RNF216: variants seen among roughly 807,000 people sequenced by gnomAD.
RNF216 encodes ring finger protein 216.
A neutral mutation model predicts 110.8 loss-of-function variants in RNF216; 72 were observed. The observed-to-expected ratio is 0.65, with a 90% CI of 0.54 to 0.79. The LOEUF is 0.79. Among genes scored for constraint, RNF216 ranks in the 30% least tolerant of loss-of-function variants. The pLI is 0.00. For missense variants in RNF216, 1,342 were observed against 1,141.2 expected, an observed-to-expected ratio of 1.18 and a Z score of -2.54; for synonymous variants, 495 against 407.5, an observed-to-expected ratio of 1.21 and a Z score of -2.59.
chr7:5,681,269 T>C (rs1435728271), intron 13 of RNF216, among the ~76,000 whole-genome samples: 1 of 152,154 alleles, frequency 6.6e-6, no homozygotes, highest in African/African-American at 2.4e-5. Context: ...ATCCAAGCAA[T>C]TACCTAGGGC....
At chr7:5,711,688 G>T in intron 13 of RNF216, 73 bp downstream of exon 13, 1 of 1,191,310 alleles carries the variant, frequency 8.4e-7, no homozygotes, top group Non-Finnish European at 1.2e-6. Context: ...GTAAACAGCA[G>T]ATATTTGGGC....
At position 5,741,006 on chromosome 7, in the gene RNF216, A is replaced by T. The variant is rs1369595363; in HGVS notation, c.1011T>A (p.Asp337Glu). 6.2e-7 allele frequency: 1 copy of T among 1,611,734 alleles called. No homozygotes were observed. The highest frequency in any genetic ancestry group is 8.5e-7 in the Non-Finnish European group (1 of 1,179,332). The part of the protein sequence containing the change: ...NIWGQEAAEV[D>E]QELVELLVKE... The stretch of plus-strand genomic sequence containing the variant: ...TCACTAGTAGTTCAACGAGCTCTTG[A>T]TCTACCTCTGCAGCTTCTTGCCCCC... Residue 337 changes from aspartate (D) to glutamate (E), a missense_variant, in exon 4 of 17, where the codon GAT becomes GAA. Coordinates refer to ENST00000389902, the MANE Select transcript of RNF216 (RefSeq NM_207111.4).
chr7:5,687,394 C>CAAAAAAAAAA (rs372177142), intron 13 of RNF216, among the ~76,000 whole-genome samples: 4 of 49,854 alleles, frequency 8.0e-5, no homozygotes, highest in African/African-American at 1.9e-4. Flanking sequence ...AACTCCACCT[C>CAAAAAAAAAA]AAAAAAAAAA....
intron 13 of RNF216, among the ~76,000 whole-genome samples, chr7:5,690,580 T>A (rs1791272411): frequency 6.6e-6 from 1 of 152,138 alleles, no homozygotes; most frequent in South Asian, 2.1e-4. Context: ...GCAGCTCCCA[T>A]CAGCAGTGCT....
intron 15 of RNF216, among the ~76,000 whole-genome samples, chr7:5,632,357 G>C (rs2128560097): frequency 6.6e-6 from 1 of 152,336 alleles, no homozygotes; most frequent in East Asian, 1.9e-4. Flanking sequence ...TTCTGTCTCT[G>C]CTCTCCTTCT....
At chr7:5,729,936 G>C (rs1793990320) in intron 6 of RNF216, among the ~76,000 whole-genome samples, 1 of 152,166 alleles carries the variant, frequency 6.6e-6, no homozygotes, top group South Asian at 2.1e-4. Flanking sequence ...TGGGGAGTTG[G>C]AAGATCAAGC....
chr7:5,775,530 G>A (rs1043190076), intron 1 of RNF216, among the ~76,000 whole-genome samples: 1 of 152,096 alleles, frequency 6.6e-6, no homozygotes, highest in Non-Finnish European at 1.5e-5. Flanking sequence ...GGTCACTAAA[G>A]ACTTTCAAAT....
chr7:5,663,982 G>C (rs192475573), intron 13 of RNF216, among the ~76,000 whole-genome samples: 1 of 152,288 alleles, frequency 6.6e-6, no homozygotes, highest in Non-Finnish European at 1.5e-5. Flanking sequence ...GAGATGCGAT[G>C]GAGATGAAGC....
chr7:5,722,989 T>C (rs1793529695), intron 8 of RNF216, among the ~76,000 whole-genome samples: 1 of 152,124 alleles, frequency 6.6e-6, no homozygotes, highest in Admixed American at 6.5e-5. Context: ...GTTTTTGGTA[T>C]TATGAGAATA....
intron 13 of RNF216, among the ~76,000 whole-genome samples, chr7:5,667,160 T>TCAGTAGATTATGACTAGTGGATTTAAAG (rs1280398623): frequency 6.6e-6 from 1 of 152,206 alleles, no homozygotes; most frequent in African/African-American, 2.4e-5. Flanking sequence ...TAAAGTCACT[T>TCAGTAGATTATGACTAGTGGATTTAAAG]CAGTAGATTA....
chr7:5,695,560 C>T (rs567848156), intron 13 of RNF216, among the ~76,000 whole-genome samples: 1 of 152,368 alleles, frequency 6.6e-6, no homozygotes, highest in African/African-American at 2.4e-5. Flanking sequence ...GAGCAGAAGA[C>T]ACCGCAGCTA....
intron 15 of RNF216, among the ~76,000 whole-genome samples, chr7:5,628,957 G>A (rs1786887113): frequency 6.6e-6 from 1 of 152,154 alleles, no homozygotes; most frequent in South Asian, 2.1e-4. Context: ...AGCACTTTGG[G>A]AGTTCGAGGT....
chr7:5,746,635 T>A (rs1405599345), intron 3 of RNF216, among the ~76,000 whole-genome samples: 1 of 152,124 alleles, frequency 6.6e-6, no homozygotes, highest in Non-Finnish European at 1.5e-5. Context: ...GCCAACGTCA[T>A]CCCGGTCCTG....
At chr7:5,682,235 C>T (rs1006492970) in intron 13 of RNF216, among the ~76,000 whole-genome samples, 10 of 152,224 alleles carry the variant, frequency 6.6e-5, no homozygotes, top group African/African-American at 2.4e-4. Context: ...AATCTAGACT[C>T]CAAAAATCCC....
chr7:5,730,791 G>C lies in RNF216; in HGVS notation c.1148C>G (p.Pro383Arg). Reference protein sequence around the residue: ...NVLCNFLLENPDYPKREDRII... With the variant: ...NVLCNFLLENRDYPKREDRII... ...TCTGTCTTCTCTCTTTGGATAATCTGGGTTTTCCAGAAGAAAATTACAAAG... is the reference window on the plus strand; with the variant it reads ...TCTGTCTTCTCTCTTTGGATAATCTCGGTTTTCCAGAAGAAAATTACAAAG... Residue 383 changes from proline (P) to arginine (R), a missense_variant, in exon 6 of 17, where the codon CCA becomes CGA. Pro to Arg is a moderately radical substitution (Grantham distance 103). Transcript: ENST00000389902. 3 of 1,602,416 alleles carry C rather than the reference G, an allele frequency of 1.9e-6. No homozygotes were observed. The highest frequency in any genetic ancestry group is 2.6e-6 in the Non-Finnish European group (3 of 1,173,420).
chr7:5,723,571 C>T (rs1793573866), intron 8 of RNF216, among the ~76,000 whole-genome samples: 1 of 151,736 alleles, frequency 6.6e-6, no homozygotes, highest in South Asian at 2.1e-4. Context: ...GGCGTGAACC[C>T]AGGAGGCGGA....
intron 1 of RNF216, among the ~76,000 whole-genome samples, chr7:5,773,091 C>G (rs1796584653): frequency 6.6e-6 from 1 of 151,972 alleles, no homozygotes; most frequent in South Asian, 2.1e-4. Context: ...CAGGTATTCC[C>G]ACTTTTAAAA....
At chr7:5,705,417 A>T (rs1168347417) in intron 13 of RNF216, among the ~76,000 whole-genome samples, 2 of 152,056 alleles carry the variant, frequency 1.3e-5, no homozygotes, top group Non-Finnish European at 2.9e-5. Context: ...TCACCTTCTA[A>T]TCCTCTACCT....
At chr7:5,760,240 G>C (rs1246967103) in intron 2 of RNF216, among the ~76,000 whole-genome samples, 1 of 152,136 alleles carries the variant, frequency 6.6e-6, no homozygotes, top group East Asian at 1.9e-4. Flanking sequence ...GAACAGTCTG[G>C]GTGCAGTGGC....
Sources: allele counts gnomAD v4.1 joint callset (sites outside exome capture counted in the v4.1 genomes callset), GRCh38; gene constraint gnomAD v4.1.1; transcripts MANE v1.5; gene names NCBI Gene and HGNC (gene_info 2026-07-23, HGNC 2026-07-21).